Variants in LRTM3 observed in about 807,000 individuals in gnomAD.
The protein encoded by LRTM3 is leucine rich repeat transmembrane protein 3.
the LRTM3 span, among the ~76,000 whole-genome samples, chr13:102,755,590 G>A: frequency 1.3e-5 from 2 of 152,028 alleles, no homozygotes; most frequent in African/African-American, 4.8e-5. Context: ...CTAAGTGGGA[G>A]CTGAACAATG....
At chr13:102,730,213 C>T in the LRTM3 span, 35 of 1,551,050 alleles carry the variant, frequency 2.3e-5, no homozygotes, top group East Asian at 4.9e-5. Context: ...TCAAATCAGT[C>T]GTGATTTTGT....
At chr13:102,758,331 G>T in the LRTM3 span, 4 of 939,024 alleles carry the variant, frequency 4.3e-6, no homozygotes, top group Non-Finnish European at 6.3e-6. Flanking sequence ...CTGAAATTCA[G>T]AAGTAAAGGC....
At chr13:102,744,413 G>A in the LRTM3 span, 1 of 1,549,434 alleles carries the variant, frequency 6.5e-7, no homozygotes, top group Admixed American at 2.0e-5. Flanking sequence ...ATCCCAAGGG[G>A]TATCACGTGG....
chr13:102,736,587 G>A, the LRTM3 span: 2 of 1,551,022 alleles, frequency 1.3e-6, no homozygotes, highest in Non-Finnish European at 1.7e-6. Context: ...TCTAACTCAA[G>A]GAAAGCTGAA....
chr13:102,734,085 C>G, the LRTM3 span: 1 of 1,551,280 alleles, frequency 6.4e-7, no homozygotes, highest in African/African-American at 1.4e-5. Flanking sequence ...TCTTTGTGTA[C>G]TTTTTTCTCC....
the LRTM3 span, chr13:102,746,893 T>G: frequency 6.4e-7 from 1 of 1,551,240 alleles, no homozygotes; most frequent in Non-Finnish European, 8.7e-7. Context: ...CTGTTTGTGT[T>G]TTTTGAGTAC....
chr13:102,730,949 TTC>T, the LRTM3 span: 2 of 1,551,418 alleles, frequency 1.3e-6, no homozygotes, highest in South Asian at 2.4e-5. Flanking sequence ...AGATAAGGGT[TTC>T]TTTCTCTCAT....
the LRTM3 span, chr13:102,750,104 A>T: frequency 6.4e-7 from 1 of 1,551,128 alleles, no homozygotes; most frequent in Non-Finnish European, 8.7e-7. Flanking sequence ...CATCATTGAA[A>T]ATAATTTCTT....
At chr13:102,741,986 A>T in the LRTM3 span, 12 of 1,550,610 alleles carry the variant, frequency 7.7e-6, no homozygotes, top group Non-Finnish European at 1.0e-5. Flanking sequence ...AATGCTGGAC[A>T]TATCAGTACA....
chr13:102,756,341 G>GA, the LRTM3 span, among the ~76,000 whole-genome samples: 1 of 149,172 alleles, frequency 6.7e-6, no homozygotes. Flanking sequence ...GGTATAGTGA[G>GA]TTAAGTCATT....
the LRTM3 span, chr13:102,747,263 A>G: frequency 6.5e-7 from 1 of 1,549,502 alleles, no homozygotes; most frequent in Non-Finnish European, 8.7e-7. Flanking sequence ...CAAAATAGAC[A>G]TGGGAGGGTA....
the LRTM3 span, among the ~76,000 whole-genome samples, chr13:102,755,955 ATATATATT>A: frequency 0.02 from 2,019 of 101,526 alleles, 27 homozygotes; most frequent in African/African-American, 0.056. Context: ...ATATATATAT[ATATATATT>A]TTTTTTTTTT....
chr13:102,745,020 T>C, the LRTM3 span: 1 of 1,550,924 alleles, frequency 6.4e-7, no homozygotes. Flanking sequence ...GAATTTACTG[T>C]ACATATTGTG....
the LRTM3 span, chr13:102,740,672 A>G: frequency 5.2e-6 from 8 of 1,548,066 alleles, no homozygotes; most frequent in South Asian, 7.1e-5. Context: ...CTCTTGTTGC[A>G]TAGATGCATT....
chr13:102,752,210 C>A, the LRTM3 span, among the ~76,000 whole-genome samples: 2 of 152,180 alleles, frequency 1.3e-5, no homozygotes, highest in African/African-American at 4.8e-5. Context: ...ACCCTCGGAT[C>A]ATGCTAAAGC....
the LRTM3 span, chr13:102,744,987 C>T: frequency 1.3e-6 from 2 of 1,550,824 alleles, no homozygotes; most frequent in Non-Finnish European, 1.7e-6. Flanking sequence ...ACTGAGTCCT[C>T]TGATTTTAGA....
chr13:102,742,411 C>G, the LRTM3 span: 1 of 1,546,906 alleles, frequency 6.5e-7, no homozygotes, highest in Non-Finnish European at 8.7e-7. Context: ...AGACACACAG[C>G]TCTTGCTGTT....
At chr13:102,737,786 C>T in the LRTM3 span, 1 of 1,550,838 alleles carries the variant, frequency 6.4e-7, no homozygotes, top group Non-Finnish European at 8.7e-7. Context: ...TTTCTGGTGC[C>T]TTGGTTGTAA....
At chr13:102,740,604 C>G in the LRTM3 span, 1 of 1,548,828 alleles carries the variant, frequency 6.5e-7, no homozygotes, top group African/African-American at 1.4e-5. Context: ...TGTTTCACTG[C>G]TTCTCTTGTC....
Sources: allele counts gnomAD v4.1 joint callset (sites outside exome capture counted in the v4.1 genomes callset), GRCh38; gene constraint gnomAD v4.1.1; transcripts MANE v1.5; gene names NCBI Gene and HGNC (gene_info 2026-07-23, HGNC 2026-07-21).